GRK4: variants seen among roughly 807,000 people sequenced by gnomAD.
The protein encoded by GRK4 is G protein-coupled receptor kinase 2-like.
In GRK4, 73 loss-of-function variants were observed where a neutral mutation model predicts 77.9. That is an observed-to-expected ratio of 0.94 (90% CI 0.78 to 1.14). The LOEUF is 1.14. GRK4 is among the 50% of genes most tolerant of loss of function. GRK4 has a pLI of 0.00. For synonymous variants in GRK4, 257 were observed against 254.4 expected, an observed-to-expected ratio of 1.01 and a Z score of -0.10; for missense variants, 729 against 700.2, an observed-to-expected ratio of 1.04 and a Z score of -0.46.
intron 3 of GRK4, 120 bp downstream of exon 3, chr4:2,988,959 C>T (rs1263862498): frequency 6.2e-5 from 40 of 642,168 alleles, no homozygotes; most frequent in South Asian, 4.1e-4. Flanking sequence ...CTGAGGCGGG[C>T]GGATCATGAG....
intron 1 of GRK4, among the ~76,000 whole-genome samples, chr4:2,971,418 C>T (rs758840301): frequency 6.6e-6 from 1 of 152,264 alleles, no homozygotes; most frequent in South Asian, 2.1e-4. Flanking sequence ...TTATATGCTT[C>T]TCTGAGGTCA....
chr4:2,990,907 C>T (rs1231449506), intron 3 of GRK4, among the ~76,000 whole-genome samples: 1 of 152,108 alleles, frequency 6.6e-6, no homozygotes, highest in Non-Finnish European at 1.5e-5. Context: ...TTTGACTATC[C>T]TCGTGATAGG....
At chr4:3,003,797 C>T (rs988693477) in intron 4 of GRK4, among the ~76,000 whole-genome samples, 1 of 152,044 alleles carries the variant, frequency 6.6e-6, no homozygotes, top group East Asian at 1.9e-4. Flanking sequence ...AGTGCAGTGG[C>T]GTGATCTCAG....
intron 12 of GRK4, among the ~76,000 whole-genome samples, chr4:3,032,952 T>C (rs1739574350): frequency 6.6e-6 from 1 of 152,174 alleles, no homozygotes. Context: ...CTTAGTCCCT[T>C]TGGGCTGCTA....
intron 15 of GRK4, among the ~76,000 whole-genome samples, chr4:3,039,142 G>A (rs1227170626): frequency 3.9e-5 from 6 of 152,244 alleles, no homozygotes; most frequent in Non-Finnish European, 8.8e-5. Context: ...CGTGAACCCA[G>A]GAGGTGGAGG....
At position 2,964,079 on chromosome 4, in the gene GRK4, C is replaced by G. The variant is rs370523679; in HGVS notation, c.9C>G (p.Leu3=). The change falls in exon 1 of 16, where the codon CTC becomes CTG. Residue 3 remains leucine, a synonymous_variant. Coordinates refer to ENST00000398052, the MANE Select transcript of GRK4 (RefSeq NM_182982.3). The stretch of plus-strand genomic sequence containing the variant: ...GGCGGCGGCGCCAGGACATGGAGCT[C>G]GAGAACATCGTGGCCAACTCGCTGC... The part of the protein sequence containing the change: ME[L]ENIVANSLLL... The G allele has an allele frequency of 8.7e-6, 14 of 1,609,212 alleles. No homozygotes were observed. Among genetic ancestry groups the G allele is most frequent in the South Asian group, 1.1e-5 (1 of 90,332 alleles).
chr4:2,967,627 G>C (rs1430789883), intron 1 of GRK4, among the ~76,000 whole-genome samples: 2 of 152,180 alleles, frequency 1.3e-5, no homozygotes, highest in Non-Finnish European at 2.9e-5. Context: ...TTGAACTCCT[G>C]ACCTCAAGTG....
intron 5 of GRK4, among the ~76,000 whole-genome samples, 187 bp from the exon 6 acceptor site, chr4:3,007,549 A>G (rs780876050): frequency 1.3e-5 from 2 of 152,118 alleles, no homozygotes; most frequent in African/African-American, 4.8e-5. Context: ...CATTCATTCT[A>G]TTTCACTTCT....
chr4:2,992,272 G>T lies in GRK4; in HGVS notation c.319G>T (p.Asp107Tyr), dbSNP rs1425584430. The T allele has an allele frequency of 6.2e-7, 1 of 1,605,722 alleles. No homozygotes were observed. The highest frequency in any genetic ancestry group is 1.3e-5 in the African/African-American group (1 of 74,652). ...DRSDCGLSIL[D>Y]RFFNDKLAAP... ...AAGTGATTGTGGACTGTCAATCTTA[G>T]ATAGATTCTTCAATGATAAGGTGTG... Residue 107 changes from aspartate to tyrosine, a missense_variant, in exon 4 of 16, where the codon GAT (aspartate) becomes TAT (tyrosine). By Grantham distance (160) the Asp-to-Tyr change is radical. Transcript: ENST00000398052.
At position 3,017,611 on chromosome 4, in the gene GRK4, C is replaced by T. The variant is rs572650432; in HGVS notation, c.742-2030C>T. Reference sequence around the variant, plus strand: ...TTTAATTCTGTGGTCTGTTGCATGCCGGCTGGGGCCTCCTCTCCTCCATTC... The same window carrying T: ...TTTAATTCTGTGGTCTGTTGCATGCTGGCTGGGGCCTCCTCTCCTCCATTC... On this transcript the variant is annotated intron_variant, in intron 8 of 15. Transcript: ENST00000398052. Among the ~76,000 whole-genome samples the T allele has an allele frequency of 6.6e-5, 10 of 152,226 alleles. No individual in the cohort carries two copies. The South Asian group carries it at 8.3e-4, about 13-fold the overall frequency.
In GRK4 at chr4:3,038,445, G is replaced by A; in HGVS notation, c.1615G>A (p.Asp539Asn). 6.2e-7 allele frequency: 1 copy of A among 1,613,968 alleles called. No homozygotes were observed. The highest frequency in any genetic ancestry group is 1.3e-5 in the African/African-American group (1 of 74,958). The change falls in exon 15 of 16, where the codon GAC (aspartate) becomes AAC (asparagine). Residue 539 changes from aspartate to asparagine, a missense_variant. Transcript: ENST00000398052. ...ESEEALPLDLDKNIHTPVSRP... is the reference protein window; with the variant it reads ...ESEEALPLDLNKNIHTPVSRP... ...TGAGGAAGCTTTGCCATTAGATCTA[G>A]ACAAGAACATACATACCCCGGTTTC...
chr4:3,029,803 C>G (rs1364491364), intron 12 of GRK4, among the ~76,000 whole-genome samples: 3 of 152,308 alleles, frequency 2.0e-5, no homozygotes, highest in Non-Finnish European at 4.4e-5. Flanking sequence ...AGGAAGCTCA[C>G]GTCTACCTGC....
At chr4:3,010,963 A>G (rs945137843) in intron 7 of GRK4, among the ~76,000 whole-genome samples, 4 of 152,210 alleles carry the variant, frequency 2.6e-5, no homozygotes, top group African/African-American at 9.6e-5. Flanking sequence ...AGTTCCAGAG[A>G]CCATGAAGAA....
chr4:3,016,642 A>G lies in GRK4; in HGVS notation c.741+2814A>G, dbSNP rs893119901. Reference sequence around the variant, plus strand: ...CTTGAACCCAGGTGGTCAGGGCTGCAGTGAGCCATTATTGCCCACTGCACT... The same window carrying G: ...CTTGAACCCAGGTGGTCAGGGCTGCGGTGAGCCATTATTGCCCACTGCACT... On this transcript the variant is annotated intron_variant, in intron 8 of 15. Transcript: ENST00000398052. Among the ~76,000 whole-genome samples the G allele has an allele frequency of 4.4e-5, 6 of 136,844 alleles. 1 individual carries two copies. The highest frequency in any genetic ancestry group is 1.8e-4 in the African/African-American group (6 of 33,314). The allele number at this position is 136,844 out of a possible 152,430, so 89.8% of individuals were successfully genotyped here.
intron 5 of GRK4, among the ~76,000 whole-genome samples, chr4:3,005,498 G>A (rs1731040309): frequency 6.6e-6 from 1 of 152,044 alleles, no homozygotes; most frequent in East Asian, 1.9e-4. Context: ...TTAATGATGC[G>A]GCTGCCTCTA....
At position 3,035,449 on chromosome 4, in the gene GRK4, C is replaced by T; in HGVS notation, c.1333C>T (p.Gln445Ter). 6.2e-7 allele frequency: 1 copy of T among 1,613,888 alleles called. No individual in the cohort carries two copies. The highest frequency in any genetic ancestry group is 8.5e-7 in the Non-Finnish European group (1 of 1,179,880). ...CRGEGAAGVK[Q>*]HPVFKDINFR... is the part of the protein sequence containing the mutation. ...GGGCGAGGGAGCGGCTGGGGTGAAGCAGCACCCCGTGTTCAAGGACATCAA... is the reference window on the plus strand; with the variant it reads ...GGGCGAGGGAGCGGCTGGGGTGAAGTAGCACCCCGTGTTCAAGGACATCAA... Residue 445 changes from glutamine (Q) to a stop codon, truncating the protein, a stop_gained, in exon 13 of 16, where the codon CAG (glutamine) becomes TAG (stop). Transcript: ENST00000398052. LOFTEE classifies it high-confidence loss of function.
intron 8 of GRK4, among the ~76,000 whole-genome samples, chr4:3,014,359 C>T (rs185203000): frequency 7.4e-5 from 11 of 149,500 alleles, no homozygotes; most frequent in Admixed American, 4.7e-4. Flanking sequence ...CGCAATGGCA[C>T]GATCTTGGGT....
intron 8 of GRK4, among the ~76,000 whole-genome samples, chr4:3,015,346 G>A (rs904232323): frequency 2.0e-5 from 3 of 152,202 alleles, no homozygotes; most frequent in Non-Finnish European, 4.4e-5. Flanking sequence ...TGTGCAGGGG[G>A]ACAAATGTTC....
intron 1 of GRK4, among the ~76,000 whole-genome samples, chr4:2,969,533 C>T (rs1185267414): frequency 3.3e-5 from 5 of 151,972 alleles, no homozygotes; most frequent in African/African-American, 7.3e-5. Flanking sequence ...TGCACTACCA[C>T]GCCCGGCTAA....
Sources: allele counts gnomAD v4.1 joint callset (sites outside exome capture counted in the v4.1 genomes callset), GRCh38; gene constraint gnomAD v4.1.1; transcripts MANE v1.5; gene names NCBI Gene and HGNC (gene_info 2026-07-23, HGNC 2026-07-21).